ZNF654: variants seen among roughly 807,000 people sequenced by gnomAD.
The protein encoded by ZNF654 is zinc finger protein 654, also known as melanoma-associated antigen.
A neutral mutation model predicts 95.3 loss-of-function variants in ZNF654; 19 were observed. The observed-to-expected ratio is 0.20, with a 90% CI of 0.14 to 0.29. ZNF654 has a LOEUF of 0.29. ZNF654 is among the 10% of genes least tolerant of loss of function. ZNF654 has a pLI of 1.00. For missense variants in ZNF654, 1,046 were observed against 1,341.0 expected (o/e 0.78, Z 3.44); for synonymous variants, 413 against 457.9 (o/e 0.90, Z 1.25).
chr3:88,071,066 C>T (rs944368057), intron 1 of ZNF654, among the ~76,000 whole-genome samples: 7 of 152,136 alleles, frequency 4.6e-5, no homozygotes, highest in African/African-American at 1.7e-4. Flanking sequence ...ACTTTGATTT[C>T]CTGCATATCA....
chr3:88,140,204 G>A lies in ZNF654; in HGVS notation c.2535G>A (p.Gln845=), dbSNP rs776341773. Reference sequence around the variant, plus strand: ...AAAGTCACAGGATATTTCAGGCTCAGTGTAGTTTTCCAGAATGCCATGAGC... The same window carrying A: ...AAAGTCACAGGATATTTCAGGCTCAATGTAGTTTTCCAGAATGCCATGAGC... ...HTKSHRIFQA[Q]CSFPECHELF... Residue 845 remains glutamine (Q), a synonymous_variant, in exon 8 of 9, where the codon CAG becomes CAA. Transcript: ENST00000636215. 1 of 1,613,840 alleles carries A rather than the reference G, an allele frequency of 6.2e-7. No homozygotes were observed. Among genetic ancestry groups the A allele is most frequent in the South Asian group, 1.1e-5 (1 of 91,074 alleles).
At chr3:88,100,943 A>G (rs1248245103) in intron 2 of ZNF654, among the ~76,000 whole-genome samples, 1 of 152,176 alleles carries the variant, frequency 6.6e-6, no homozygotes, top group Non-Finnish European at 1.5e-5. Context: ...CATGTACCCT[A>G]AAACTTAAAG....
At chr3:88,064,109 C>CTT (rs34753092) in intron 1 of ZNF654, among the ~76,000 whole-genome samples, 1,771 of 147,896 alleles carry the variant, frequency 0.012, 18 homozygotes, top group African/African-American at 0.021. Flanking sequence ...CGAGCTTCTT[C>CTT]TTTTTTTTTT....
intron 2 of ZNF654, among the ~76,000 whole-genome samples, chr3:88,111,011 G>T (rs1705057118): frequency 6.6e-6 from 1 of 152,028 alleles, no homozygotes. Context: ...AGATAGTACA[G>T]TCCAAACAGC....
intron 6 of ZNF654, 107 bp downstream of exon 6, chr3:88,129,933 T>TA (rs536627062): frequency 2.5e-4 from 253 of 1,028,680 alleles, no homozygotes; most frequent in South Asian, 5.4e-4. Context: ...AAGCTACTTT[T>TA]AAAAAAAAAT....
intron 2 of ZNF654, among the ~76,000 whole-genome samples, chr3:88,088,621 G>T (rs1232477038): frequency 3.3e-5 from 5 of 152,180 alleles, no homozygotes; most frequent in African/African-American, 9.7e-5. Flanking sequence ...TTAAATGTGT[G>T]TGTGTACACT....
chr3:88,072,726 T>C (rs544059879), intron 1 of ZNF654, among the ~76,000 whole-genome samples: 2 of 152,126 alleles, frequency 1.3e-5, no homozygotes, highest in Admixed American at 6.5e-5. Flanking sequence ...CCATCTAATA[T>C]ATATTCATTT....
chr3:88,071,423 T>C (rs1576200779), intron 1 of ZNF654, among the ~76,000 whole-genome samples: 2 of 152,080 alleles, frequency 1.3e-5, no homozygotes, highest in South Asian at 4.1e-4. Flanking sequence ...GGCGGGCGGA[T>C]CACAAAGTTA....
intron 1 of ZNF654, among the ~76,000 whole-genome samples, chr3:88,067,342 C>T (rs962600164): frequency 2.6e-5 from 4 of 152,192 alleles, no homozygotes; most frequent in Admixed American, 6.5e-5. Flanking sequence ...GCTTTTGCCT[C>T]ATCCAAGGAG....
intron 1 of ZNF654, among the ~76,000 whole-genome samples, chr3:88,068,229 C>T (rs893202024): frequency 3.3e-5 from 5 of 151,322 alleles, no homozygotes; most frequent in South Asian, 2.1e-4. Context: ...TTATTTGTCT[C>T]GGTGAAGGTG....
At chr3:88,105,149 C>T (rs1217358332) in intron 2 of ZNF654, among the ~76,000 whole-genome samples, 1 of 152,030 alleles carries the variant, frequency 6.6e-6, no homozygotes. Flanking sequence ...AGAAAACAAA[C>T]ATAAATTACA....
intron 2 of ZNF654, among the ~76,000 whole-genome samples, chr3:88,105,039 C>T (rs920163394): frequency 6.6e-6 from 1 of 152,174 alleles, no homozygotes. Context: ...ACTCGGGAGA[C>T]TGAGGCAGAA....
Position 88,140,602 on chromosome 3 carries a change from A to G in ZNF654, c.2933A>G (p.Asn978Ser), listed in dbSNP as rs778434469. The change falls in exon 8 of 9, where the codon AAT becomes AGT. Residue 978 changes from asparagine (N) to serine (S), a missense_variant. Physicochemically the swap from Asn to Ser is conservative, Grantham distance 46 (BLOSUM62 1). Coordinates refer to ENST00000636215, the MANE Select transcript of ZNF654 (RefSeq NM_001350134.2). ...AATTGTAGTAGTAGTGATATAGTCA[A>G]TGGACACAGTGAAATAGAGCAAACA... The part of the protein sequence containing the change: ...ENNCSSSDIV[N>S]GHSEIEQTPL... 6 of 1,613,788 alleles carry G rather than the reference A, an allele frequency of 3.7e-6. No individual in the cohort carries two copies. Among genetic ancestry groups the G allele is most frequent in the Admixed American group, 1.7e-5 (1 of 59,986 alleles).
chr3:88,127,547 C>CGTCT (rs1706190014), intron 4 of ZNF654, among the ~76,000 whole-genome samples: 1 of 151,824 alleles, frequency 6.6e-6, no homozygotes, highest in Admixed American at 6.6e-5. Flanking sequence ...GGGTGACAGA[C>CGTCT]TAGAGGAAAT....
chr3:88,071,064 T>A (rs2107613807), intron 1 of ZNF654, among the ~76,000 whole-genome samples: 2 of 152,224 alleles, frequency 1.3e-5, no homozygotes, highest in East Asian at 3.8e-4. Flanking sequence ...TTACTTTGAT[T>A]TCCTGCATAT....
In ZNF654 at chr3:88,059,385, G is replaced by C; in HGVS notation, c.66G>C (p.Glu22Asp). 6.5e-7 allele frequency: 1 copy of C among 1,535,430 alleles called. No homozygotes were observed. The highest frequency in any genetic ancestry group is 1.7e-4 in the Middle Eastern group (1 of 5,868). ...GAGAAGAGCTTGTGGCCATTGTGGA[G>C]TCCCCGCTGGGCCCTGTGGGGCTTA... ...RLGEELVAIV[E>D]SPLGPVGLRA... Residue 22 changes from glutamate to aspartate, a missense_variant, in exon 1 of 9, where the codon GAG becomes GAC. Transcript: ENST00000636215.
chr3:88,108,970 G>A (rs112830072), intron 2 of ZNF654, among the ~76,000 whole-genome samples: 6 of 152,104 alleles, frequency 3.9e-5, no homozygotes, highest in Admixed American at 2.6e-4. Flanking sequence ...GCCACATGGT[G>A]CATGTTAAGG....
chr3:88,086,164 A>C, intron 1 of ZNF654, 93 bp from the exon 2 acceptor site: 1 of 1,195,640 alleles, frequency 8.4e-7, no homozygotes, highest in Non-Finnish European at 1.2e-6. Flanking sequence ...CCGATCTAAT[A>C]TTTTAATTTA....
At chr3:88,079,005 T>A (rs2107639606) in intron 1 of ZNF654, among the ~76,000 whole-genome samples, 1 of 152,196 alleles carries the variant, frequency 6.6e-6, no homozygotes, top group African/African-American at 2.4e-5. Flanking sequence ...GGCTAAAAAG[T>A]CAGTGTTGAA....
Sources: gnomAD v4.1 joint callset for allele counts (sites outside exome capture counted in the v4.1 genomes callset) on GRCh38, gnomAD v4.1.1 for gene constraint, MANE v1.5 for transcripts, NCBI Gene and HGNC (gene_info 2026-07-23, HGNC 2026-07-21) for gene names.